Variants in ADGRB3 observed in about 807,000 individuals in gnomAD.
The protein encoded by ADGRB3 is adhesion G protein-coupled receptor B3, also known as brain-specific angiogenesis inhibitor 3.
A neutral mutation model predicts 193.4 loss-of-function variants in ADGRB3; 37 were observed. That is an observed-to-expected ratio of 0.19 (90% CI 0.15 to 0.25). ADGRB3 has a LOEUF of 0.25. Among genes scored for constraint, ADGRB3 ranks in the 10% least tolerant of loss-of-function variants. ADGRB3 has a pLI of 1.00. For synonymous variants in ADGRB3, 690 were observed against 644.2 expected (o/e 1.07, Z -1.08); for missense variants, 1,637 against 1,852.9 (o/e 0.88, Z 2.14).
chr6:68,729,578 G>A (rs916807059), intron 3 of ADGRB3, among the ~76,000 whole-genome samples: 2 of 151,450 alleles, frequency 1.3e-5, no homozygotes, highest in African/African-American at 4.8e-5. Flanking sequence ...GGTGCTCTAA[G>A]GCAGGCAATT....
rs141698131 is a variant in ADGRB3 at position 68,956,134 on chromosome 6, G to A, written c.1306G>A (p.Glu436Lys). The change falls in exon 7 of 32, where the codon GAA becomes AAA. Residue 436 changes from glutamate to lysine, a missense_variant. By Grantham distance (56) the Glu-to-Lys change is moderately conservative (BLOSUM62 1). Coordinates refer to ENST00000370598, the MANE Select transcript of ADGRB3 (RefSeq NM_001704.3). The part of the protein sequence containing the change: ...QCTAAAHGGS[E>K]CRGPWAESRE... Reference sequence around the variant, plus strand: ...CACTGCAGCTGCCCATGGAGGCTCCGAATGCAGAGGGCCATGGGCAGAAAG... The same window carrying A: ...CACTGCAGCTGCCCATGGAGGCTCCAAATGCAGAGGGCCATGGGCAGAAAG... The A allele has an allele frequency of 5.6e-6, 9 of 1,613,802 alleles. No homozygotes were observed. The highest frequency in any genetic ancestry group is 7.6e-6 in the Non-Finnish European group (9 of 1,179,934).
intron 10 of ADGRB3, 71 bp downstream of exon 10, chr6:68,975,411 CCTT>C (rs1768714634): frequency 1.7e-6 from 2 of 1,168,802 alleles, no homozygotes; most frequent in East Asian, 2.4e-5. Flanking sequence ...GAGAATTTAA[CCTT>C]CTGCTGTACA....
At chr6:69,106,856 G>GT (rs1773228711) in intron 17 of ADGRB3, among the ~76,000 whole-genome samples, 1 of 152,190 alleles carries the variant, frequency 6.6e-6, no homozygotes, top group Non-Finnish European at 1.5e-5. Flanking sequence ...AACGTGCTTA[G>GT]AGTCTTCTAC....
intron 20 of ADGRB3, among the ~76,000 whole-genome samples, chr6:69,291,376 G>T (rs1767662611): frequency 2.0e-5 from 3 of 152,076 alleles, no homozygotes; most frequent in Admixed American, 6.6e-5. Flanking sequence ...CTATTTCAAA[G>T]AGGAGAGCAC....
chr6:68,860,340 T>C (rs541261635), intron 3 of ADGRB3, among the ~76,000 whole-genome samples: 2 of 152,344 alleles, frequency 1.3e-5, no homozygotes, highest in African/African-American at 2.4e-5. Flanking sequence ...ATCACTTGAA[T>C]AATGAATATT....
At chr6:68,921,593 A>T (rs1202998944) in intron 3 of ADGRB3, among the ~76,000 whole-genome samples, 1 of 152,212 alleles carries the variant, frequency 6.6e-6, no homozygotes, top group Non-Finnish European at 1.5e-5. Flanking sequence ...CCACTTTAGG[A>T]GACCCTCTTC....
intron 3 of ADGRB3, among the ~76,000 whole-genome samples, chr6:68,671,364 C>G (rs1366504536): frequency 1.3e-5 from 2 of 151,978 alleles, no homozygotes; most frequent in Admixed American, 1.3e-4. Flanking sequence ...CAGTTTTTCC[C>G]CATTCAATAT....
At chr6:69,252,057 A>G (rs1766635569) in intron 20 of ADGRB3, among the ~76,000 whole-genome samples, 1 of 152,156 alleles carries the variant, frequency 6.6e-6, no homozygotes, top group African/African-American at 2.4e-5. Flanking sequence ...GTCTCCTGCC[A>G]GTCAATCCCC....
chr6:68,896,303 C>A (rs965296432), intron 3 of ADGRB3, among the ~76,000 whole-genome samples: 1 of 151,984 alleles, frequency 6.6e-6, no homozygotes, highest in African/African-American at 2.4e-5. Context: ...AGAGGGAATA[C>A]CAAATGAAAA....
At chr6:69,310,522 G>A (rs1239746212) in intron 20 of ADGRB3, among the ~76,000 whole-genome samples, 1 of 151,678 alleles carries the variant, frequency 6.6e-6, no homozygotes, top group Non-Finnish European at 1.5e-5. Flanking sequence ...CTGACAAAAG[G>A]AATTGGTAAT....
intron 3 of ADGRB3, among the ~76,000 whole-genome samples, chr6:68,920,890 G>A (rs1009912671): frequency 5.9e-5 from 9 of 152,236 alleles, no homozygotes; most frequent in African/African-American, 2.2e-4. Flanking sequence ...AGGAAGAAAG[G>A]GAAGTGATAG....
intron 3 of ADGRB3, among the ~76,000 whole-genome samples, chr6:68,680,935 G>T (rs952170659): frequency 6.6e-6 from 1 of 152,180 alleles, no homozygotes; most frequent in Non-Finnish European, 1.5e-5. Flanking sequence ...TGTTATAAAG[G>T]AATACTGGAG....
chr6:68,918,214 G>A (rs955604618), intron 3 of ADGRB3, among the ~76,000 whole-genome samples: 2 of 152,118 alleles, frequency 1.3e-5, no homozygotes, highest in Non-Finnish European at 2.9e-5. Flanking sequence ...AATGTCTCCT[G>A]TAAAGGTTGG....
At chr6:68,721,996 ATTC>A (rs1227505275) in intron 3 of ADGRB3, among the ~76,000 whole-genome samples, 1 of 151,498 alleles carries the variant, frequency 6.6e-6, no homozygotes, top group Non-Finnish European at 1.5e-5. Flanking sequence ...AATTTTCTTC[ATTC>A]TTCTTATATA....
At chr6:69,155,107 T>C (rs987552891) in intron 17 of ADGRB3, among the ~76,000 whole-genome samples, 4 of 152,234 alleles carry the variant, frequency 2.6e-5, no homozygotes, top group African/African-American at 9.6e-5. Flanking sequence ...CTTGATTTAT[T>C]AAGTTGGACT....
chr6:68,941,938 A>C (rs1030932532), intron 5 of ADGRB3, among the ~76,000 whole-genome samples: 1 of 150,878 alleles, frequency 6.6e-6, no homozygotes, highest in East Asian at 1.9e-4. Flanking sequence ...ATATATATAT[A>C]TCAATGGATA....
intron 13 of ADGRB3, 114 bp downstream of exon 13, chr6:69,018,613 A>G: frequency 1.5e-6 from 1 of 646,706 alleles, no homozygotes; most frequent in Non-Finnish European, 2.6e-6. Context: ...ACTGCATGTG[A>G]GCAAATATAT....
intron 3 of ADGRB3, among the ~76,000 whole-genome samples, chr6:68,811,082 A>G (rs141012227): frequency 0.013 from 1,962 of 152,232 alleles, 20 homozygotes; most frequent in Middle Eastern, 0.061. Flanking sequence ...GGAGATATAT[A>G]TATATATAGT....
At chr6:69,140,032 T>G (rs1169914648) in intron 17 of ADGRB3, among the ~76,000 whole-genome samples, 2 of 152,206 alleles carry the variant, frequency 1.3e-5, no homozygotes, top group African/African-American at 4.8e-5. Context: ...TCCTACACTG[T>G]AGCCTAGATA....
Sources: gnomAD v4.1 joint callset for allele counts (sites outside exome capture counted in the v4.1 genomes callset) on GRCh38, gnomAD v4.1.1 for gene constraint, MANE v1.5 for transcripts, NCBI Gene and HGNC (gene_info 2026-07-23, HGNC 2026-07-21) for gene names.